The following KCNH8 variants were observed in gnomAD, a reference collection of about 807,000 sequenced individuals.
KCNH8 encodes potassium voltage-gated channel subfamily H member 8, also known as voltage-gated delayed rectifier potassium channel KCNH8.
Under a neutral mutation model 103.6 loss-of-function variants are expected in KCNH8, and 70 were observed. The ratio of observed to expected loss-of-function variants is 0.68; its 90% confidence interval spans 0.56 to 0.82. The LOEUF is 0.82. Ranked by LOEUF, KCNH8 falls within the 40% of genes least tolerant of loss-of-function variation. The probability of loss-of-function intolerance (pLI) is 0.00; values close to 1 mark genes in which losing one functional copy is unlikely to be tolerated. For synonymous variants in KCNH8, 498 were observed against 489.4 expected (o/e 1.02, Z -0.23); for missense variants, 1,217 against 1,329.9 (o/e 0.92, Z 1.32).
At chr3:19,515,195 T>C (rs1368806269) in intron 13 of KCNH8, 127 bp from the exon 14 acceptor site, 3 of 480,712 alleles carry the variant, frequency 6.2e-6, no homozygotes, top group African/African-American at 2.0e-5. Flanking sequence ...ATGGTTACTA[T>C]ATTGAATAGC....
intron 7 of KCNH8, among the ~76,000 whole-genome samples, chr3:19,420,293 T>G (rs746857965): frequency 2.6e-5 from 4 of 152,204 alleles, no homozygotes; most frequent in Non-Finnish European, 4.4e-5. Flanking sequence ...ATAAACTTTA[T>G]GTAACTTTTT....
rs1392397814 is a variant in KCNH8 at position 19,275,908 on chromosome 3, GGTT to G, written c.311-5285_311-5283del. ...TTAATCGGGATCCTGTATTGTCAAA[GGTT>G]GTTGGCAGTAGCATGGGAGGAAGAC... On this transcript the variant is annotated intron_variant, in intron 2 of 15. Transcript: ENST00000328405. Among the ~76,000 whole-genome samples the G allele has an allele frequency of 2.0e-5, 3 of 152,100 alleles. 1 individual carries two copies. The highest frequency in any genetic ancestry group is 7.2e-5 in the African/African-American group (3 of 41,426).
intron 15 of KCNH8, among the ~76,000 whole-genome samples, chr3:19,518,805 T>A (rs748126091): frequency 6.6e-5 from 10 of 152,012 alleles, no homozygotes; most frequent in Non-Finnish European, 1.3e-4. Flanking sequence ...ATCTGCCTTT[T>A]CTGGCAATTT....
chr3:19,496,050 TACCTG>T (rs2068434213), intron 11 of KCNH8, among the ~76,000 whole-genome samples: 1 of 152,214 alleles, frequency 6.6e-6, no homozygotes, highest in Non-Finnish European at 1.5e-5. Context: ...ATTGATTTTG[TACCTG>T]AAACTTTGCT....
chr3:19,503,603 A>C (rs143654115), intron 11 of KCNH8, among the ~76,000 whole-genome samples: 23,923 of 152,016 alleles, frequency 0.16, 2,823 homozygotes, highest in East Asian at 0.34. Flanking sequence ...CAGCCATAAA[A>C]AATGATGAGT....
chr3:19,150,067 T>G (rs1402703967), intron 1 of KCNH8, among the ~76,000 whole-genome samples: 4 of 152,196 alleles, frequency 2.6e-5, no homozygotes, highest in Non-Finnish European at 5.9e-5. Context: ...GTGTGGATAT[T>G]TGGTCACTTC....
intron 1 of KCNH8, among the ~76,000 whole-genome samples, chr3:19,211,645 G>C (rs75351602): frequency 0.041 from 6,197 of 152,198 alleles, 447 homozygotes; most frequent in African/African-American, 0.14. Context: ...TAGCTAGCCA[G>C]TTCCTCTTCA....
chr3:19,390,929 C>T (rs1315882676), intron 6 of KCNH8, among the ~76,000 whole-genome samples: 2 of 152,118 alleles, frequency 1.3e-5, no homozygotes, highest in Non-Finnish European at 2.9e-5. Context: ...ATAAGGAAAT[C>T]ATCTGTAGGA....
chr3:19,328,034 AT>A (rs1056177675), intron 3 of KCNH8, among the ~76,000 whole-genome samples: 11 of 151,672 alleles, frequency 7.3e-5, no homozygotes, highest in African/African-American at 1.2e-4. Context: ...TCTCTGTCTC[AT>A]TTTTTTTCTG....
intron 3 of KCNH8, among the ~76,000 whole-genome samples, chr3:19,329,148 A>G (rs2065470426): frequency 6.6e-6 from 1 of 152,198 alleles, no homozygotes; most frequent in Admixed American, 6.5e-5. Context: ...TGCCATAACC[A>G]GAAGGGCATT....
At chr3:19,239,681 T>TCTACCTAC (rs1237339782) in intron 1 of KCNH8, among the ~76,000 whole-genome samples, 7 of 138,586 alleles carry the variant, frequency 5.1e-5, no homozygotes, top group South Asian at 4.7e-4. Flanking sequence ...TATCTATCTA[T>TCTACCTAC]CTACCTACCT....
intron 5 of KCNH8, among the ~76,000 whole-genome samples, chr3:19,369,934 C>A (rs2066064655): frequency 6.6e-6 from 1 of 152,008 alleles, no homozygotes; most frequent in African/African-American, 2.4e-5. Flanking sequence ...TCTACCTAGT[C>A]TTGGGATTTA....
chr3:19,422,484 C>A (rs574149023), intron 7 of KCNH8, among the ~76,000 whole-genome samples: 14 of 152,130 alleles, frequency 9.2e-5, no homozygotes, highest in Admixed American at 4.6e-4. Flanking sequence ...CCTCAGCAAA[C>A]AAGAAGGGAT....
intron 8 of KCNH8, among the ~76,000 whole-genome samples, chr3:19,442,818 TTAAC>T (rs1184421730): frequency 3.9e-5 from 6 of 152,270 alleles, no homozygotes; most frequent in South Asian, 2.1e-4. Context: ...TATTTCCTAA[TTAAC>T]TAATTAATTG....
At chr3:19,291,551 G>A (rs1234228180) in intron 3 of KCNH8, among the ~76,000 whole-genome samples, 3 of 152,192 alleles carry the variant, frequency 2.0e-5, no homozygotes, top group African/African-American at 4.8e-5. Flanking sequence ...TAGTTGAGCG[G>A]TTTTGAGTGA....
intron 5 of KCNH8, among the ~76,000 whole-genome samples, chr3:19,353,991 T>A (rs1457428255): frequency 3.9e-5 from 6 of 152,168 alleles, no homozygotes; most frequent in African/African-American, 1.2e-4. Context: ...AACCCCATTG[T>A]CTCAGCCCAA....
intron 1 of KCNH8, among the ~76,000 whole-genome samples, chr3:19,178,771 T>C (rs1489389996): frequency 2.6e-5 from 4 of 152,128 alleles, no homozygotes; most frequent in Admixed American, 1.3e-4. Context: ...AGTAATATGG[T>C]TAGACTTTAA....
intron 3 of KCNH8, among the ~76,000 whole-genome samples, chr3:19,334,109 C>T (rs534587507): frequency 6.6e-6 from 1 of 152,124 alleles, no homozygotes; most frequent in South Asian, 2.1e-4. Context: ...AGAGGCCCCT[C>T]ATTACAGTCC....
chr3:19,477,937 A>G (rs1416059419), intron 11 of KCNH8, among the ~76,000 whole-genome samples: 2 of 151,818 alleles, frequency 1.3e-5, no homozygotes, highest in East Asian at 3.9e-4. Flanking sequence ...CCCTTTTTTC[A>G]TCTCCAATAT....
Sources: gnomAD v4.1 joint callset for allele counts (sites outside exome capture counted in the v4.1 genomes callset) on GRCh38, gnomAD v4.1.1 for gene constraint, MANE v1.5 for transcripts, NCBI Gene and HGNC (gene_info 2026-07-23, HGNC 2026-07-21) for gene names.